PTPRJ: variants seen among roughly 807,000 people sequenced by gnomAD.
PTPRJ encodes receptor-type tyrosine-protein phosphatase eta.
PTPRJ carries 129 observed loss-of-function variants against 141.3 expected under a neutral mutation model. That is an observed-to-expected ratio of 0.91 (90% CI 0.79 to 1.06). The LOEUF (loss-of-function observed/expected upper bound fraction) is 1.06, where lower values mean the gene tolerates loss of function less well. PTPRJ is among the 50% of genes least tolerant of loss of function. The pLI is 0.00. For missense variants in PTPRJ, 1,601 were observed against 1,679.7 expected (o/e 0.95, Z 0.82); for synonymous variants, 610 against 640.5 (o/e 0.95, Z 0.72).
intron 19 of PTPRJ, among the ~76,000 whole-genome samples, chr11:48,154,939 A>G (rs941048179): frequency 6.6e-6 from 1 of 152,132 alleles, no homozygotes; most frequent in Admixed American, 6.5e-5. Flanking sequence ...GGAAGCCTTT[A>G]GGCTGAGACT....
intron 1 of PTPRJ, among the ~76,000 whole-genome samples, chr11:48,083,057 A>C (rs1393338561): frequency 6.6e-6 from 1 of 152,224 alleles, no homozygotes; most frequent in Non-Finnish European, 1.5e-5. Context: ...ATTCAGCCTC[A>C]GTGGTAAGCT....
intron 18 of PTPRJ, 39 bp downstream of exon 18, chr11:48,150,222 T>A: frequency 1.9e-6 from 3 of 1,579,346 alleles, no homozygotes; most frequent in Non-Finnish European, 2.6e-6. Flanking sequence ...TGTGTCAGGT[T>A]CCAACCCAAG....
intron 1 of PTPRJ, among the ~76,000 whole-genome samples, chr11:47,981,421 C>T (rs1323650542): frequency 1.3e-5 from 2 of 152,110 alleles, no homozygotes; most frequent in Non-Finnish European, 2.9e-5. Flanking sequence ...GAGCCTTTGC[C>T]GACAGACCTC....
chr11:48,026,829 C>A (rs1565264409), intron 1 of PTPRJ, among the ~76,000 whole-genome samples: 3 of 151,802 alleles, frequency 2.0e-5, no homozygotes, highest in Admixed American at 1.3e-4. Flanking sequence ...CAATTTGTGG[C>A]CTTTTATCCC....
At chr11:48,077,034 AT>A (rs1160964226) in intron 1 of PTPRJ, among the ~76,000 whole-genome samples, 2 of 151,990 alleles carry the variant, frequency 1.3e-5, no homozygotes, top group Admixed American at 1.3e-4. Context: ...TGCCCGGCTA[AT>A]TTTGTATTTT....
chr11:47,985,472 CTG>C (rs1854025314), intron 1 of PTPRJ, among the ~76,000 whole-genome samples: 1 of 152,006 alleles, frequency 6.6e-6, no homozygotes, highest in African/African-American at 2.4e-5. Context: ...TGAGAGAAAA[CTG>C]AGGTTCAGAA....
intron 12 of PTPRJ, among the ~76,000 whole-genome samples, chr11:48,143,647 T>G (rs1857284127): frequency 6.6e-6 from 1 of 152,200 alleles, no homozygotes; most frequent in African/African-American, 2.4e-5. Context: ...CTGCTTTTCC[T>G]TAAAGGGCTC....
chr11:48,133,103 A>G (rs995237741), intron 8 of PTPRJ, among the ~76,000 whole-genome samples: 4 of 152,194 alleles, frequency 2.6e-5, no homozygotes, highest in Non-Finnish European at 5.9e-5. Flanking sequence ...TGCATTTTAC[A>G]TTTTTAACAC....
intron 1 of PTPRJ, among the ~76,000 whole-genome samples, chr11:48,078,549 G>T (rs1178049916): frequency 5.3e-5 from 8 of 152,114 alleles, no homozygotes; most frequent in South Asian, 2.1e-4. Flanking sequence ...AGGAGTGAGC[G>T]GGATGGATTT....
chr11:48,132,177 G>A, intron 8 of PTPRJ: 1 of 985,428 alleles, frequency 1.0e-6, no homozygotes, highest in Non-Finnish European at 1.2e-6. Context: ...ACTGTTCACA[G>A]TCTTTCCTAA....
intron 8 of PTPRJ, among the ~76,000 whole-genome samples, chr11:48,131,072 T>TATA (rs1856970358): frequency 1.1e-4 from 6 of 55,028 alleles, no homozygotes; most frequent in African/African-American, 4.7e-4. Context: ...ATATATATAT[T>TATA]TTTTTTTTTT....
At chr11:48,011,679 C>A (rs1301115400) in intron 1 of PTPRJ, among the ~76,000 whole-genome samples, 1 of 151,996 alleles carries the variant, frequency 6.6e-6, no homozygotes, top group African/African-American at 2.4e-5. Context: ...CTTTTTGGGG[C>A]AGAGTCTTGC....
rs2134339569 is a variant in PTPRJ, at chr11:48,121,354, A to G, written c.616+88A>G. 10 of 1,411,238 alleles carry G rather than the reference A, an allele frequency of 7.1e-6. No individual in the cohort carries two copies. In the South Asian group the frequency reaches 1.1e-4, roughly 15 times the overall value. The allele number at this position is 1,411,238 out of a possible 1,614,324, so 87.4% of individuals were successfully genotyped here. Reference sequence around the variant, plus strand: ...CTTGTCCGTTCAAGTTGCCTGTTGGAAAGAGAATGGTTTTCATAAACTAGA... The same window carrying G: ...CTTGTCCGTTCAAGTTGCCTGTTGGGAAGAGAATGGTTTTCATAAACTAGA... On this transcript the variant is annotated intron_variant, in intron 4 of 24. Transcript: ENST00000418331.
At chr11:48,053,297 AAAATATAT>A (rs1322586339) in intron 1 of PTPRJ, among the ~76,000 whole-genome samples, 19 of 92,468 alleles carry the variant, frequency 2.1e-4, no homozygotes, top group African/African-American at 7.6e-4. Flanking sequence ...AAAAATATAT[AAAATATAT>A]AAATATATAA....
At chr11:48,031,805 C>T (rs1475938450) in intron 1 of PTPRJ, among the ~76,000 whole-genome samples, 1 of 152,164 alleles carries the variant, frequency 6.6e-6, no homozygotes, top group East Asian at 1.9e-4. Flanking sequence ...TTGCATATAG[C>T]GTGGCTCCTG....
rs747484779 is a variant in PTPRJ at position 47,980,977 on chromosome 11, CGCTGCT to C, written c.80_85del (p.Leu27_Leu28del). 1.1e-5 allele frequency: 13 copies of C among 1,191,800 alleles called. No individual in the cohort carries two copies. The highest frequency in any genetic ancestry group is 4.5e-5 in the Admixed American group (1 of 22,028). The allele number at this position is 1,191,800 out of a possible 1,614,324, so 73.8% of individuals were successfully genotyped here. On this transcript the variant is annotated inframe_deletion, in exon 1 of 25. Transcript: ENST00000418331. ...TCGCCCGGGCTGCGCTGGGCGCTGC[CGCTGCT>C]GCTGCTGCTGCTGCGCCTGGGCCAG...
chr11:47,988,639 A>G (rs534829163), intron 1 of PTPRJ, among the ~76,000 whole-genome samples: 2 of 152,114 alleles, frequency 1.3e-5, no homozygotes, highest in South Asian at 2.1e-4. Flanking sequence ...TTTCTGGTGG[A>G]TATTTCTTGT....
At chr11:48,139,903 CT>C in intron 11 of PTPRJ, 127 bp downstream of exon 11, 1 of 1,003,696 alleles carries the variant, frequency 1.0e-6, no homozygotes, top group Non-Finnish European at 1.4e-6. Context: ...AAAATATTTG[CT>C]TTTACTGACA....
chr11:47,997,651 A>G (rs1258101140), intron 1 of PTPRJ, among the ~76,000 whole-genome samples: 2 of 152,054 alleles, frequency 1.3e-5, no homozygotes, highest in Admixed American at 6.6e-5. Context: ...AATGTGATTG[A>G]TGGTGTGGTG....
Sources: allele counts gnomAD v4.1 joint callset (sites outside exome capture counted in the v4.1 genomes callset), GRCh38; gene constraint gnomAD v4.1.1; transcripts MANE v1.5; gene names NCBI Gene and HGNC (gene_info 2026-07-23, HGNC 2026-07-21).